MTMR1: variants seen among roughly 807,000 people sequenced by gnomAD.
MTMR1 encodes the protein myotubularin related protein 1, also known as phosphatidylinositol-3-phosphate phosphatase MTMR1.
MTMR1 carries 17 observed loss-of-function variants against 51.6 expected under a neutral mutation model. That is an observed-to-expected ratio of 0.33 (90% CI 0.23 to 0.49). The LOEUF (loss-of-function observed/expected upper bound fraction) is 0.49. MTMR1 is among the 20% of genes least tolerant of loss of function. The pLI is 0.99. For synonymous variants in MTMR1, 201 were observed against 205.6 expected, an observed-to-expected ratio of 0.98 and a Z score of 0.19; for missense variants, 386 against 526.9, an observed-to-expected ratio of 0.73 and a Z score of 2.62.
chrX:150,723,180 A>G (rs1452737380), intron 4 of MTMR1, among the ~76,000 whole-genome samples: 5 of 110,731 alleles, frequency 4.5e-5, no homozygotes, highest in Non-Finnish European at 9.5e-5. Context: ...AAGGACATGA[A>G]CTCATCCTTT....
intron 4 of MTMR1, among the ~76,000 whole-genome samples, chrX:150,725,177 A>T (rs1438630560): frequency 8.9e-6 from 1 of 112,227 alleles, no homozygotes; most frequent in Non-Finnish European, 1.9e-5. Flanking sequence ...GGCCATTTTC[A>T]CGATATTGAT....
rs140517061 is a variant in MTMR1 at position 150,716,218 on chromosome X, C to T, written c.277-2407C>T. On this transcript the variant is annotated intron_variant, in intron 3 of 15. Coordinates refer to ENST00000445323, the MANE Select transcript of MTMR1 (RefSeq NM_001306144.3). ...TAGCCATTAAAATAGGCTTTAACAA[C>T]GTAACATTTGAAGTAATTTAAAACT... 3.8e-3 allele frequency among the ~76,000 whole-genome samples: 433 copies of T among 112,719 alleles called. 3 individuals are homozygous for T. Among genetic ancestry groups the T allele is most frequent in the African/African-American group, 0.013 (405 of 31,126 alleles).
At chrX:150,726,741 G>T (rs782293265) in intron 4 of MTMR1, among the ~76,000 whole-genome samples, 16 of 112,196 alleles carry the variant, frequency 1.4e-4, no homozygotes, top group Non-Finnish European at 3.0e-4. Flanking sequence ...TAAGGAATTT[G>T]AAATAAGTCT....
At chrX:150,730,882 A>G (rs2042097394) in intron 8 of MTMR1, among the ~76,000 whole-genome samples, 1 of 111,930 alleles carries the variant, frequency 8.9e-6, no homozygotes, top group Non-Finnish European at 1.9e-5. Context: ...GATGGTTTTT[A>G]TTAGATGTTC....
intron 10 of MTMR1, chrX:150,735,570 C>T (rs1246141848): frequency 6.7e-6 from 3 of 449,653 alleles, no homozygotes; most frequent in Non-Finnish European, 1.2e-5. Context: ...ACAGCAGGAA[C>T]CTTGAAATTG....
intron 6 of MTMR1, 29 bp downstream of exon 6, chrX:150,727,820 A>G: frequency 9.3e-7 from 1 of 1,077,989 alleles, no homozygotes; most frequent in East Asian, 3.0e-5. Flanking sequence ...GTGAAAACTA[A>G]AAGAGGGCAA....
intron 4 of MTMR1, among the ~76,000 whole-genome samples, chrX:150,726,577 T>C (rs782608396): frequency 8.9e-6 from 1 of 112,388 alleles, no homozygotes; most frequent in South Asian, 3.7e-4. Context: ...CATATATAGC[T>C]ATGTATATTC....
At chrX:150,747,380 A>C (rs2148657975) in intron 13 of MTMR1, among the ~76,000 whole-genome samples, 1 of 111,333 alleles carries the variant, frequency 9.0e-6, no homozygotes, top group East Asian at 2.8e-4. Flanking sequence ...GCTTGAGTCC[A>C]GGAGTTCAAG....
At chrX:150,717,215 C>T (rs782411046) in intron 3 of MTMR1, among the ~76,000 whole-genome samples, 2 of 109,090 alleles carry the variant, frequency 1.8e-5, no homozygotes, top group South Asian at 4.1e-4. Flanking sequence ...AAAAATTAGC[C>T]GGGCGTGGTG....
chrX:150,718,607 T>C lies in MTMR1; in HGVS notation c.277-18T>C. 1.1e-6 allele frequency: 1 copy of C among 916,016 alleles called. No homozygotes were observed. The highest frequency in any genetic ancestry group is 1.4e-6 in the Non-Finnish European group (1 of 719,630). The allele number at this position is 916,016 out of a possible 1,213,427, so 75.5% of individuals were successfully genotyped here. A position where few individuals can be genotyped will look rare whatever the true frequency, so the allele number is the denominator to read the frequency against. ...TCCTTTTTTTTTTTTTTTTTTTTTT[T>C]TTTTTTTTTTTTGCCAGGCTCTAAG... On this transcript the variant is annotated intron_variant, in intron 3 of 15. Transcript: ENST00000445323.
At chrX:150,704,188 C>T (rs1372292786) in intron 2 of MTMR1, among the ~76,000 whole-genome samples, 1 of 111,243 alleles carries the variant, frequency 9.0e-6, no homozygotes, top group Non-Finnish European at 1.9e-5. Flanking sequence ...GTTTTTGCCA[C>T]GTATGTCCCA....
chrX:150,761,775 G>A (rs782226567), intron 15 of MTMR1, among the ~76,000 whole-genome samples: 130 of 112,637 alleles, frequency 1.2e-3, no homozygotes, highest in African/African-American at 3.1e-3. Flanking sequence ...GCTGGGTCTC[G>A]GATGTCTGGC....
chrX:150,718,581 GTCCTTTTTTTTTTTT>G, intron 3 of MTMR1, 29 bp from the exon 4 acceptor site: 4 of 576,372 alleles, frequency 6.9e-6, no homozygotes, highest in Non-Finnish European at 6.4e-6. Context: ...CCCGTTTGGT[GTCCTTTTTTTTTTTT>G]TTTTTTTTTT....
chrX:150,710,430 G>A (rs190926346), intron 2 of MTMR1, among the ~76,000 whole-genome samples: 8 of 110,624 alleles, frequency 7.2e-5, no homozygotes, highest in Admixed American at 6.7e-4. Flanking sequence ...GTGTGATCTC[G>A]GCTCACTGCA....
chrX:150,751,312 ATTTCTTTC>A (rs2042723611), intron 14 of MTMR1: 1 of 611,052 alleles, frequency 1.6e-6, no homozygotes, highest in East Asian at 1.4e-4. Context: ...GTTACATCTC[ATTTCTTTC>A]TTTTTCCCTC....
chrX:150,694,987 C>T (rs976271767), intron 1 of MTMR1, among the ~76,000 whole-genome samples: 1 of 112,486 alleles, frequency 8.9e-6, no homozygotes, highest in Non-Finnish European at 1.9e-5. Flanking sequence ...AAATATGCCT[C>T]ATCTTCTGGT....
rs1293117407 is a variant in MTMR1 at position 150,715,193 on chromosome X, G to A, written c.276+2828G>A. Among the ~76,000 whole-genome samples the A allele has an allele frequency of 2.7e-5, 3 of 112,000 alleles. No individual in the cohort carries two copies. In the Admixed American group the frequency reaches 2.8e-4, roughly 11 times the overall value. On this transcript the variant is annotated intron_variant, in intron 3 of 15. Coordinates refer to ENST00000445323, the MANE Select transcript of MTMR1 (RefSeq NM_001306144.3). ...CCCTGGAAGCAACTTGAAGAGCCCA[G>A]TTTGAAAGCCACTGCTTTTGGCATG...
intron 2 of MTMR1, among the ~76,000 whole-genome samples, chrX:150,702,154 T>A (rs2040937015): frequency 9.5e-6 from 1 of 105,617 alleles, no homozygotes; most frequent in African/African-American, 3.5e-5. Flanking sequence ...ACTCCTGGGC[T>A]CGAGCGATCC....
chrX:150,740,722 T>C (rs535486127), intron 12 of MTMR1, among the ~76,000 whole-genome samples: 3 of 111,431 alleles, frequency 2.7e-5, no homozygotes, highest in African/African-American at 9.8e-5. Flanking sequence ...GGCTCACGAT[T>C]CTGCAGGCTG....
Sources: gnomAD v4.1 joint callset for allele counts (sites outside exome capture counted in the v4.1 genomes callset) on GRCh38, gnomAD v4.1.1 for gene constraint, MANE v1.5 for transcripts, NCBI Gene and HGNC (gene_info 2026-07-23, HGNC 2026-07-21) for gene names.